Variants in GPR137C observed in about 807,000 individuals in gnomAD.
GPR137C encodes integral membrane protein GPR137C.
In GPR137C, 27 loss-of-function variants were observed where a neutral mutation model predicts 43.4. That is an observed-to-expected ratio of 0.62 (90% CI 0.46 to 0.86). The LOEUF (loss-of-function observed/expected upper bound fraction) is 0.86. GPR137C is among the 40% of genes least tolerant of loss of function. The pLI, the probability that GPR137C is intolerant of heterozygous loss-of-function variation, is 0.00. For synonymous variants in GPR137C, 285 were observed against 226.9 expected (o/e 1.26, Z -2.30); for missense variants, 522 against 534.6 (o/e 0.98, Z 0.23).
chr14:52,623,677 T>TTTTTTCATAA (rs1224308538), intron 3 of GPR137C, among the ~76,000 whole-genome samples: 1 of 13,254 alleles, frequency 7.5e-5, no homozygotes, highest in African/African-American at 3.5e-4. Context: ...CTTCATAATA[T>TTTTTTCATAA]TTTCATAATA....
intron 1 of GPR137C, among the ~76,000 whole-genome samples, chr14:52,567,301 T>C (rs2038386082): frequency 6.6e-6 from 1 of 152,096 alleles, no homozygotes; most frequent in Non-Finnish European, 1.5e-5. Context: ...TAGCAGAACA[T>C]AATAAGACTC....
At position 52,556,565 on chromosome 14, in the gene GPR137C, C is replaced by G. The variant is rs117480294; in HGVS notation, c.444+2974C>G. ...CACCTTGTACACTAATCTAAAAACA[C>G]ATTTTGAACTTCTGGCAGGATCAGT... On this transcript the variant is annotated intron_variant, in intron 1 of 6. Coordinates refer to ENST00000321662, the MANE Select transcript of GPR137C (RefSeq NM_001099652.2). Among the ~76,000 whole-genome samples the G allele has an allele frequency of 2.0e-3, 300 of 151,774 alleles. 12 individuals are homozygous for G. The East Asian group carries it at 0.053, about 27-fold the overall frequency.
intron 1 of GPR137C, among the ~76,000 whole-genome samples, chr14:52,577,960 G>C (rs1484731748): frequency 1.3e-5 from 2 of 151,884 alleles, no homozygotes; most frequent in African/African-American, 4.8e-5. Flanking sequence ...ATGAGACCCT[G>C]TCTCAAAAAA....
intron 1 of GPR137C, among the ~76,000 whole-genome samples, chr14:52,557,982 C>G (rs1019853253): frequency 6.6e-6 from 1 of 151,928 alleles, no homozygotes; most frequent in African/African-American, 2.4e-5. Flanking sequence ...GCATATGACT[C>G]TTGGTTTAAA....
At chr14:52,577,435 A>G (rs1023603589) in intron 1 of GPR137C, among the ~76,000 whole-genome samples, 1 of 151,940 alleles carries the variant, frequency 6.6e-6, no homozygotes. Flanking sequence ...GAAAAACAAG[A>G]ACAAACAAAA....
chr14:52,564,057 C>T (rs2038327811), intron 1 of GPR137C, among the ~76,000 whole-genome samples: 1 of 152,036 alleles, frequency 6.6e-6, no homozygotes, highest in Non-Finnish European at 1.5e-5. Context: ...AGGCAGATCA[C>T]GAGGTCAGCA....
At position 52,576,088 on chromosome 14, in the gene GPR137C, C is replaced by T. The variant is rs77317759; in HGVS notation, c.445-22184C>T. ...TGATACTATGTGGCCCAAGGCTGCA[C>T]CGTAACTCACATTGTTAGCATAAAC... On this transcript the variant is annotated intron_variant, in intron 1 of 6. Transcript: ENST00000321662. Among the ~76,000 whole-genome samples, 956 of 152,326 alleles carry T rather than the reference C, an allele frequency of 6.3e-3. 11 individuals carry two copies. Among genetic ancestry groups the T allele is most frequent in the African/African-American group, 0.02 (847 of 41,570 alleles).
chr14:52,636,567 GCTTA>G lies in GPR137C; in HGVS notation c.*1457_*1460del, dbSNP rs1264005591. On this transcript the variant is annotated 3_prime_UTR_variant, in exon 7 of 7. Coordinates refer to ENST00000321662, the MANE Select transcript of GPR137C (RefSeq NM_001099652.2). ...ACTTTGATTAGAATGTTATTTCCTC[GCTTA>G]CTTAAAATGTACTTCAACTTTTTAA... 1.3e-5 allele frequency: 2 copies of G among 151,956 alleles called. No homozygotes were observed. The highest frequency in any genetic ancestry group is 4.8e-5 in the African/African-American group (2 of 41,408). The allele number at this position is 151,956 out of a possible 1,614,324, so 9.4% of individuals were successfully genotyped here.
At chr14:52,612,914 G>A (rs2039053990) in intron 3 of GPR137C, 1 of 151,310 alleles carries the variant, frequency 6.6e-6, no homozygotes, top group Non-Finnish European at 1.5e-5. Flanking sequence ...TTTAATTTTT[G>A]TGGGTGATTA....
chr14:52,566,238 A>G (rs995635201), intron 1 of GPR137C, among the ~76,000 whole-genome samples: 2 of 152,172 alleles, frequency 1.3e-5, no homozygotes, highest in Admixed American at 1.3e-4. Context: ...TTTCATTAGC[A>G]TATTAATCAC....
At chr14:52,602,859 T>G (rs1323860818) in intron 3 of GPR137C, among the ~76,000 whole-genome samples, 1 of 152,230 alleles carries the variant, frequency 6.6e-6, no homozygotes, top group Non-Finnish European at 1.5e-5. Context: ...TACATATTTT[T>G]GGGGTACATG....
At chr14:52,568,524 C>T (rs1307833530) in intron 1 of GPR137C, among the ~76,000 whole-genome samples, 1 of 152,158 alleles carries the variant, frequency 6.6e-6, no homozygotes, top group Admixed American at 6.5e-5. Context: ...ATCCCACTCC[C>T]ATGGAGCCCA....
chr14:52,571,010 C>T (rs1354481164), intron 1 of GPR137C, among the ~76,000 whole-genome samples: 1 of 152,196 alleles, frequency 6.6e-6, no homozygotes, highest in Non-Finnish European at 1.5e-5. Context: ...CTACAGAATT[C>T]TCCACCCCAA....
At chr14:52,581,154 C>G (rs1223770171) in intron 1 of GPR137C, among the ~76,000 whole-genome samples, 2 of 148,672 alleles carry the variant, frequency 1.3e-5, no homozygotes, top group Non-Finnish European at 3.0e-5. Flanking sequence ...CGAGATTGCG[C>G]CACTGCACTC....
intron 1 of GPR137C, among the ~76,000 whole-genome samples, chr14:52,581,528 C>G (rs1441652529): frequency 2.7e-5 from 4 of 147,190 alleles, no homozygotes; most frequent in Non-Finnish European, 6.0e-5. Context: ...AGAGAGACTC[C>G]GTCTCAAAAA....
At chr14:52,603,499 T>C (rs1354439476) in intron 3 of GPR137C, among the ~76,000 whole-genome samples, 1 of 152,162 alleles carries the variant, frequency 6.6e-6, no homozygotes, top group East Asian at 1.9e-4. Context: ...AGTTCTATTT[T>C]TAGTTTTTCA....
At chr14:52,584,274 G>T (rs777039444) in intron 1 of GPR137C, among the ~76,000 whole-genome samples, 5 of 152,198 alleles carry the variant, frequency 3.3e-5, no homozygotes, top group Non-Finnish European at 7.3e-5. Context: ...TATAATCCAG[G>T]TTATATGTGC....
rs1179978371 is a variant in GPR137C at position 52,598,277 on chromosome 14, A to G, written c.450A>G (p.Ile150Met). ...CLLNLYLAEV[I>M]CKVRCATELD... ...TTTTTATATTCTCTTTATAGGTTAT[A>G]TGTAAAGTCAGATGTGCCACTGAAC... Residue 150 changes from isoleucine to methionine, a missense_variant, in exon 2 of 7, where the codon ATA becomes ATG. By Grantham distance (10) the Ile-to-Met change is conservative. Transcript: ENST00000321662. The G allele has an allele frequency of 2.2e-6, 3 of 1,357,954 alleles. No individual in the cohort carries two copies. The highest frequency in any genetic ancestry group is 3.0e-6 in the Non-Finnish European group (3 of 992,124). The allele number at this position is 1,357,954 out of a possible 1,614,324, so 84.1% of individuals were successfully genotyped here.
At chr14:52,560,316 T>G (rs1408937191) in intron 1 of GPR137C, among the ~76,000 whole-genome samples, 1 of 152,230 alleles carries the variant, frequency 6.6e-6, no homozygotes, top group Non-Finnish European at 1.5e-5. Flanking sequence ...AGCTCATTGC[T>G]TTTAAGGTGT....
Sources: allele counts gnomAD v4.1 joint callset (sites outside exome capture counted in the v4.1 genomes callset), GRCh38; gene constraint gnomAD v4.1.1; transcripts MANE v1.5; gene names NCBI Gene and HGNC (gene_info 2026-07-23, HGNC 2026-07-21).